The following VPS13B variants were observed in gnomAD, a reference collection of about 807,000 sequenced individuals.
VPS13B encodes the protein vacuolar protein sorting 13 homolog B, also known as intermembrane lipid transfer protein VPS13B.
A neutral mutation model predicts 426.4 loss-of-function variants in VPS13B; 285 were observed. The observed-to-expected ratio is 0.67, with a 90% CI of 0.61 to 0.74. The LOEUF is 0.74. VPS13B is among the 30% of genes least tolerant of loss of function. The pLI, the probability that VPS13B is intolerant of heterozygous loss-of-function variation, is 0.00. For synonymous variants in VPS13B, 1,676 were observed against 1,676.4 expected (o/e 1.00, Z 0.01); for missense variants, 4,537 against 4,782.6 (o/e 0.95, Z 1.51).
At chr8:99,476,697 G>A (rs1016073933) in intron 24 of VPS13B, among the ~76,000 whole-genome samples, 10 of 151,974 alleles carry the variant, frequency 6.6e-5, no homozygotes, top group East Asian at 5.8e-4. Flanking sequence ...AAAATAAAAC[G>A]TTGCAATCAA....
At chr8:99,133,182 G>T (rs1285163166) in intron 8 of VPS13B, among the ~76,000 whole-genome samples, 1 of 152,168 alleles carries the variant, frequency 6.6e-6, no homozygotes, top group Non-Finnish European at 1.5e-5. Flanking sequence ...GGTCTTCTGG[G>T]TAACTGCGTG....
rs1341077311 is a variant in VPS13B at position 99,720,860 on chromosome 8, C to T, written c.6866-3C>T. 2.5e-6 allele frequency: 4 copies of T among 1,611,258 alleles called. No individual in the cohort carries two copies. Among genetic ancestry groups the T allele is most frequent in the Non-Finnish European group, 2.5e-6 (3 of 1,178,172 alleles). Reference sequence around the variant, plus strand: ...TACAATTAATTATACTTTTATTTGACAGAATCTTTGAAATTGCCTGGGGTC... The same window carrying T: ...TACAATTAATTATACTTTTATTTGATAGAATCTTTGAAATTGCCTGGGGTC... On this transcript the variant is annotated splice_region_variant and splice_polypyrimidine_tract_variant and intron_variant, in intron 38 of 61. Coordinates refer to ENST00000357162, the MANE Select transcript of VPS13B (RefSeq NM_152564.5).
intron 54 of VPS13B, among the ~76,000 whole-genome samples, chr8:99,838,783 T>C (rs1314655001): frequency 6.6e-6 from 1 of 152,202 alleles, no homozygotes; most frequent in African/African-American, 2.4e-5. Flanking sequence ...AAGGAGGGTG[T>C]CTCTTACTGA....
At chr8:99,528,671 T>C (rs1189321003) in intron 30 of VPS13B, among the ~76,000 whole-genome samples, 1 of 152,130 alleles carries the variant, frequency 6.6e-6, no homozygotes, top group Non-Finnish European at 1.5e-5. Context: ...TAAGTATCCT[T>C]ACAACATTCT....
chr8:99,518,361 G>C (rs766414695), intron 29 of VPS13B, among the ~76,000 whole-genome samples: 12 of 152,146 alleles, frequency 7.9e-5, no homozygotes, highest in Admixed American at 2.6e-4. Flanking sequence ...TAAAATGCAA[G>C]ACCTGTAAAA....
At chr8:99,685,341 GT>G (rs1204822842) in intron 35 of VPS13B, among the ~76,000 whole-genome samples, 2 of 152,220 alleles carry the variant, frequency 1.3e-5, no homozygotes, top group African/African-American at 4.8e-5. Context: ...GTCTAGGTGA[GT>G]TCAGCTGGTT....
Position 99,533,726 on chromosome 8 carries a change from A to G in VPS13B, c.4745+12716A>G, listed in dbSNP as rs546524925. On this transcript the variant is annotated intron_variant, in intron 30 of 61. Coordinates refer to ENST00000357162, the MANE Select transcript of VPS13B (RefSeq NM_152564.5). ...TAAAATAGGAAAACCATTCTTTTTTATGGACATGTTTATAATAGCCTTTCT... is the reference window on the plus strand; with the variant it reads ...TAAAATAGGAAAACCATTCTTTTTTGTGGACATGTTTATAATAGCCTTTCT... Among the ~76,000 whole-genome samples the G allele has an allele frequency of 7.9e-5, 12 of 152,316 alleles. No homozygotes were observed. The East Asian group carries it at 2.3e-3, about 29-fold the overall frequency.
chr8:99,476,514 C>T (rs753135639), intron 24 of VPS13B, among the ~76,000 whole-genome samples: 2 of 151,630 alleles, frequency 1.3e-5, no homozygotes, highest in Non-Finnish European at 2.9e-5. Context: ...GCCATATCTA[C>T]ATACCTCATA....
chr8:99,022,981 C>T (rs1478189007), intron 2 of VPS13B, among the ~76,000 whole-genome samples: 3 of 151,118 alleles, frequency 2.0e-5, no homozygotes. Flanking sequence ...TGAGATCTCT[C>T]TCTTTTCTTT....
chr8:99,837,690 T>C (rs1815466415), intron 54 of VPS13B, among the ~76,000 whole-genome samples: 1 of 152,116 alleles, frequency 6.6e-6, no homozygotes, highest in Non-Finnish European at 1.5e-5. Context: ...CAGACCGTGG[T>C]TTACTTCCTA....
intron 56 of VPS13B, 27 bp downstream of exon 56, chr8:99,854,283 A>C (rs748803374): frequency 6.2e-7 from 1 of 1,608,532 alleles, no homozygotes; most frequent in African/African-American, 1.3e-5. Flanking sequence ...AGGGTCTGTG[A>C]TGAGCTAGAG....
At chr8:99,160,650 C>CAAAAA (rs780385149) in intron 15 of VPS13B, among the ~76,000 whole-genome samples, 1 of 68,490 alleles carries the variant, frequency 1.5e-5, no homozygotes. Context: ...GACCCTGTCT[C>CAAAAA]AAAAAAAAAA....
intron 19 of VPS13B, among the ~76,000 whole-genome samples, chr8:99,370,861 C>T (rs3134300): frequency 0.17 from 26,457 of 151,972 alleles, 2,817 homozygotes; most frequent in East Asian, 0.38. Context: ...CCGCCCATCT[C>T]GGCCTCCCAA....
intron 35 of VPS13B, among the ~76,000 whole-genome samples, chr8:99,674,583 T>C (rs1830848663): frequency 6.6e-6 from 1 of 152,076 alleles, no homozygotes; most frequent in South Asian, 2.1e-4. Context: ...AAGGTAGTTA[T>C]TGAAAGGTAA....
At chr8:99,543,690 C>T (rs1403725116) in intron 30 of VPS13B, among the ~76,000 whole-genome samples, 4 of 149,470 alleles carry the variant, frequency 2.7e-5, no homozygotes, top group Admixed American at 1.3e-4. Flanking sequence ...GACATTTATG[C>T]AGCCAAAAAA....
intron 60 of VPS13B, 156 bp downstream of exon 60, chr8:99,871,043 A>G: frequency 1.3e-6 from 1 of 772,340 alleles, no homozygotes; most frequent in Non-Finnish European, 2.2e-6. Context: ...CTGTAGAGGG[A>G]CAGGAAGAGG....
intron 39 of VPS13B, among the ~76,000 whole-genome samples, chr8:99,737,642 G>A (rs1588668546): frequency 6.6e-6 from 1 of 152,254 alleles, no homozygotes; most frequent in South Asian, 2.1e-4. Flanking sequence ...TAAACCAAAA[G>A]CGTGTATCAG....
chr8:99,479,514 G>A (rs575132477), intron 24 of VPS13B, among the ~76,000 whole-genome samples: 2 of 152,206 alleles, frequency 1.3e-5, no homozygotes, highest in Admixed American at 6.5e-5. Flanking sequence ...TAGCTAATTT[G>A]TTAAGATTTG....
At chr8:99,196,824 C>T (rs1813964571) in intron 17 of VPS13B, among the ~76,000 whole-genome samples, 2 of 151,964 alleles carry the variant, frequency 1.3e-5, no homozygotes, top group African/African-American at 4.8e-5. Flanking sequence ...TTTCTTTCTT[C>T]CTCTTGCTTA....
Sources: allele counts gnomAD v4.1 joint callset (sites outside exome capture counted in the v4.1 genomes callset), GRCh38; gene constraint gnomAD v4.1.1; transcripts MANE v1.5; gene names NCBI Gene and HGNC (gene_info 2026-07-23, HGNC 2026-07-21).